Variants in PGGT1B observed in about 807,000 individuals in gnomAD.
The protein encoded by PGGT1B is protein geranylgeranyltransferase type I subunit beta, also known as geranylgeranyl transferase type-1 subunit beta.
PGGT1B carries 30 observed loss-of-function variants against 46.1 expected under a neutral mutation model. That is an observed-to-expected ratio of 0.65 (90% CI 0.49 to 0.88). The LOEUF (loss-of-function observed/expected upper bound fraction) is 0.88, where lower values mean the gene tolerates loss of function less well. Ranked by LOEUF, PGGT1B falls within the 40% of genes least tolerant of loss-of-function variation. The pLI, the probability that PGGT1B is intolerant of heterozygous loss-of-function variation, is 0.00. For synonymous variants in PGGT1B, 170 were observed against 160.0 expected (o/e 1.06, Z -0.47); for missense variants, 376 against 455.9 (o/e 0.82, Z 1.60).
intron 3 of PGGT1B, among the ~76,000 whole-genome samples, chr5:115,239,722 G>A (rs1757292869): frequency 6.6e-6 from 1 of 152,218 alleles, no homozygotes; most frequent in Non-Finnish European, 1.5e-5. Flanking sequence ...TATAGATGAA[G>A]AGGAGGTATT....
At chr5:115,239,150 GC>G (rs1254650723) in intron 3 of PGGT1B, among the ~76,000 whole-genome samples, 5 of 151,898 alleles carry the variant, frequency 3.3e-5, no homozygotes, top group South Asian at 4.2e-4. Flanking sequence ...CAATCCTCCT[GC>G]CCTGCCTCAG....
intron 2 of PGGT1B, among the ~76,000 whole-genome samples, chr5:115,248,308 T>C (rs1252860403): frequency 6.6e-6 from 1 of 152,182 alleles, no homozygotes; most frequent in East Asian, 1.9e-4. Context: ...ATAAGTAAAA[T>C]ATCCAAAGGA....
intron 6 of PGGT1B, among the ~76,000 whole-genome samples, chr5:115,222,988 A>G (rs897332475): frequency 6.6e-6 from 1 of 152,166 alleles, no homozygotes; most frequent in African/African-American, 2.4e-5. Flanking sequence ...GGAGTGGGGA[A>G]GGATAGCATT....
At chr5:115,216,700 T>C (rs542514483) in intron 8 of PGGT1B, among the ~76,000 whole-genome samples, 165 bp downstream of exon 8, 2 of 152,320 alleles carry the variant, frequency 1.3e-5, no homozygotes, top group Non-Finnish European at 2.9e-5. Context: ...TACTCTCTAA[T>C]ACCCTAAATT....
At chr5:115,230,752 A>C (rs1197451795) in intron 6 of PGGT1B, among the ~76,000 whole-genome samples, 3 of 152,122 alleles carry the variant, frequency 2.0e-5, no homozygotes, top group Non-Finnish European at 4.4e-5. Context: ...ACTAGAAAAC[A>C]TCATATGAAC....
intron 2 of PGGT1B, among the ~76,000 whole-genome samples, chr5:115,247,864 T>A (rs975528296): frequency 1.3e-5 from 2 of 152,182 alleles, no homozygotes; most frequent in African/African-American, 4.8e-5. Context: ...AAAAGGTCTG[T>A]GGAATGGTCT....
intron 1 of PGGT1B, among the ~76,000 whole-genome samples, chr5:115,260,539 C>A (rs1748511675): frequency 6.6e-6 from 1 of 152,012 alleles, no homozygotes; most frequent in South Asian, 2.1e-4. Context: ...ATTTTAAAGT[C>A]AGTTATGAAT....
chr5:115,225,944 G>A (rs1412869515), intron 6 of PGGT1B, among the ~76,000 whole-genome samples: 5 of 151,692 alleles, frequency 3.3e-5, no homozygotes, highest in Admixed American at 1.3e-4. Flanking sequence ...CACCATGCCC[G>A]GCCAAGTGAA....
chr5:115,216,275 G>A (rs1481087284), intron 8 of PGGT1B, among the ~76,000 whole-genome samples: 1 of 152,074 alleles, frequency 6.6e-6, no homozygotes, highest in Non-Finnish European at 1.5e-5. Context: ...GCATAGCTGG[G>A]ACTACAGGCA....
At chr5:115,238,116 T>C in intron 3 of PGGT1B, 107 bp from the exon 4 acceptor site, 1 of 712,388 alleles carries the variant, frequency 1.4e-6, no homozygotes, top group Non-Finnish European at 2.3e-6. Flanking sequence ...AAATATGGCT[T>C]ATACTGATTT....
chr5:115,238,056 A>G (rs748979903), intron 3 of PGGT1B, 47 bp from the exon 4 acceptor site: 1 of 1,344,236 alleles, frequency 7.4e-7, no homozygotes, highest in South Asian at 1.4e-5. Flanking sequence ...TGAAATGAAA[A>G]CTTATTTCAT....
chr5:115,216,583 G>C (rs1756425961), intron 8 of PGGT1B, among the ~76,000 whole-genome samples: 1 of 152,178 alleles, frequency 6.6e-6, no homozygotes, highest in East Asian at 1.9e-4. Context: ...GACCCATTCA[G>C]ACCATCTACA....
At chr5:115,262,445 A>G (rs1276231069) in intron 1 of PGGT1B, 7 of 472,228 alleles carry the variant, frequency 1.5e-5, no homozygotes, top group Non-Finnish European at 2.3e-5. Flanking sequence ...GGGAGCGGGT[A>G]AAAAAGCAGC....
At chr5:115,218,244 C>T (rs1756479936) in intron 7 of PGGT1B, among the ~76,000 whole-genome samples, 1 of 151,298 alleles carries the variant, frequency 6.6e-6, no homozygotes, top group African/African-American at 2.4e-5. Context: ...ATGGTAATGT[C>T]CACAAGAATT....
chr5:115,213,015 G>A (rs1580739951), intron 8 of PGGT1B, among the ~76,000 whole-genome samples: 1 of 152,156 alleles, frequency 6.6e-6, no homozygotes, highest in East Asian at 1.9e-4. Context: ...AATCTAAGTT[G>A]CAATATCCCT....
At chr5:115,232,060 T>A (rs895716812) in intron 5 of PGGT1B, among the ~76,000 whole-genome samples, 1 of 152,098 alleles carries the variant, frequency 6.6e-6, no homozygotes, top group Non-Finnish European at 1.5e-5. Flanking sequence ...ACCCACATGA[T>A]GTTTTATTAA....
At chr5:115,220,064 C>A (rs1756540922) in intron 7 of PGGT1B, among the ~76,000 whole-genome samples, 1 of 151,740 alleles carries the variant, frequency 6.6e-6, no homozygotes, top group Non-Finnish European at 1.5e-5. Context: ...TGAAGAACTA[C>A]CATATGACCC....
intron 8 of PGGT1B, among the ~76,000 whole-genome samples, chr5:115,216,546 G>A (rs915092687): frequency 2.0e-5 from 3 of 152,128 alleles, no homozygotes; most frequent in Non-Finnish European, 2.9e-5. Context: ...GCTTTGGATG[G>A]CCTAAATAAT....
At chr5:115,253,043 A>G in intron 2 of PGGT1B, 94 bp downstream of exon 2, 1 of 1,027,150 alleles carries the variant, frequency 9.7e-7, no homozygotes, top group Non-Finnish European at 1.4e-6. Flanking sequence ...AAAATATGTT[A>G]ACAGTATACA....
Sources: gnomAD v4.1 joint callset for allele counts (sites outside exome capture counted in the v4.1 genomes callset) on GRCh38, gnomAD v4.1.1 for gene constraint, MANE v1.5 for transcripts, NCBI Gene and HGNC (gene_info 2026-07-23, HGNC 2026-07-21) for gene names.